The following OR1J1 variants were observed in gnomAD, a reference collection of about 807,000 sequenced individuals.
The protein encoded by OR1J1 is olfactory receptor family 1 subfamily J member 1, also known as olfactory receptor 1J1.
For missense variants in OR1J1, 392 were observed against 393.9 expected, an observed-to-expected ratio of 1.00 and a Z score of 0.04; for synonymous variants, 165 against 157.2, an observed-to-expected ratio of 1.05 and a Z score of -0.37.
chr9:122,477,644 TG>T lies in OR1J1; in HGVS notation c.282del (p.Tyr94Ter), dbSNP rs767520501. ...NMQTQHLAVF[Y>X]KGCISQTYFF... is the part of the protein sequence containing the mutation. ...AAATATGTCTGTGAAATGCATCCCT[TG>T]TAAAAGACGGCTAGGTGCTGAGTCT... On this transcript the variant is annotated frameshift_variant, in exon 1 of 1. Transcript: ENST00000259357. LOFTEE classifies it low-confidence loss of function (END_TRUNC). 45 of 1,614,210 alleles carry T rather than the reference TG, an allele frequency of 2.8e-5. No individual in the cohort carries two copies. The South Asian group carries it at 4.7e-4, about 17-fold the overall frequency.
Position 122,477,443 on chromosome 9 carries a change from G to A in OR1J1, c.484C>T (p.Leu162Phe). 1 of 1,614,100 alleles carries A rather than the reference G, an allele frequency of 6.2e-7. No homozygotes were observed. The highest frequency in any genetic ancestry group is 2.2e-5 in the East Asian group (1 of 44,868). ...ACACALLHTL[L>F]LAQLSFCADH... ...GCACAGAAGGAAAGCTGGGCCAGGA[G>A]GAGGGTATGCAAAAGAGCACACGCA... is the stretch of plus-strand genomic sequence containing the variant. The change falls in exon 1 of 1, where the codon CTC (leucine) becomes TTC (phenylalanine). Residue 162 changes from leucine (L) to phenylalanine (F), a missense_variant. Transcript: ENST00000259357.
In OR1J1 at chr9:122,477,562, C is replaced by T. The variant is rs1839585599; in HGVS notation, c.365G>A (p.Arg122Lys). ...TAGAGGATGACAGATGGCCACATACCTGTCATATGCCATTGAAGTGATAAG... is the reference window on the plus strand; with the variant it reads ...TAGAGGATGACAGATGGCCACATACTTGTCATATGCCATTGAAGTGATAAG... ...SFLITSMAYD[R>K]YVAICHPLHY... Residue 122 changes from arginine to lysine, a missense_variant, in exon 1 of 1, where the codon AGG (arginine) becomes AAG (lysine). Transcript: ENST00000259357. The T allele has an allele frequency of 6.2e-7, 1 of 1,614,122 alleles. No homozygotes were observed. Among genetic ancestry groups the T allele is most frequent in the South Asian group, 1.1e-5 (1 of 91,078 alleles).
rs1385640589 is a variant in OR1J1, at chr9:122,477,799, A to G, written c.128T>C (p.Leu43Pro). 1.2e-6 allele frequency: 2 copies of G among 1,613,994 alleles called. No homozygotes were observed. Among genetic ancestry groups the G allele is most frequent in the Admixed American group, 1.7e-5 (1 of 60,022 alleles). Residue 43 changes from leucine (L) to proline (P), a missense_variant, in exon 1 of 1, where the codon CTG (leucine) becomes CCG (proline). By Grantham distance (98) the Leu-to-Pro change is moderately conservative. Coordinates refer to ENST00000259357, the MANE Select transcript of OR1J1 (RefSeq NM_001004451.1). ...GMYLTTVLGN[L>P]LIMLLIQLDS... ...TAGCTGGATGAGCAGCATGATGAGC[A>G]GGTTCCCCAGCACCGTGGTCAGGTA...
chr9:122,477,629 G>C lies in OR1J1; in HGVS notation c.298C>G (p.Gln100Glu), dbSNP rs776392346. ...GCAAAAAATATGAAAAAATATGTCT[G>C]TGAAATGCATCCCTTGTAAAAGACG... The part of the protein sequence containing the change: ...LAVFYKGCIS[Q>E]TYFFIFFADL... The change falls in exon 1 of 1, where the codon CAG becomes GAG. Residue 100 changes from glutamine (Q) to glutamate (E), a missense_variant. Gln to Glu is a conservative substitution (Grantham distance 29). Coordinates refer to ENST00000259357, the MANE Select transcript of OR1J1 (RefSeq NM_001004451.1). The C allele has an allele frequency of 1.9e-6, 3 of 1,614,228 alleles. No individual in the cohort carries two copies. Among genetic ancestry groups the C allele is most frequent in the Non-Finnish European group, 2.5e-6 (3 of 1,180,032 alleles).
chr9:122,477,356 C>A lies in OR1J1; in HGVS notation c.571G>T (p.Asp191Tyr). ...LGALLKLSCS[D>Y]TSLNQLAIFT... is the part of the protein sequence containing the mutation. ...ATTGCTAACTGATTGAGGGAGGTGT[C>A]TGAGCAGGACAACTTGAGCAGGGCA... Residue 191 changes from aspartate to tyrosine, a missense_variant, in exon 1 of 1, where the codon GAC (aspartate) becomes TAC (tyrosine). Transcript: ENST00000259357. The A allele has an allele frequency of 6.2e-7, 1 of 1,614,092 alleles. No homozygotes were observed.
At position 122,477,522 on chromosome 9, in the gene OR1J1, G is replaced by A; in HGVS notation, c.405C>T (p.Ile135=). ...AICHPLHYAT[I]MTQSQCVMLV... ...GCATGACACACTGGCTCTGAGTCATGATGGTGGCATAATGTAGAGGATGAC... is the reference window on the plus strand; with the variant it reads ...GCATGACACACTGGCTCTGAGTCATAATGGTGGCATAATGTAGAGGATGAC... The change falls in exon 1 of 1, where the codon ATC becomes ATT. Residue 135 remains isoleucine (I), a synonymous_variant. Coordinates refer to ENST00000259357, the MANE Select transcript of OR1J1 (RefSeq NM_001004451.1). 3.1e-6 allele frequency: 5 copies of A among 1,614,194 alleles called. No individual in the cohort carries two copies. Among genetic ancestry groups the A allele is most frequent in the Non-Finnish European group, 4.2e-6 (5 of 1,180,008 alleles).
In OR1J1 at chr9:122,477,862, T is replaced by C; in HGVS notation, c.65A>G (p.Glu22Gly). 1 of 1,613,744 alleles carries C rather than the reference T, an allele frequency of 6.2e-7. No homozygotes were observed. The highest frequency in any genetic ancestry group is 8.5e-7 in the Non-Finnish European group (1 of 1,179,814). The change falls in exon 1 of 1, where the codon GAG (glutamate) becomes GGG (glycine). Residue 22 changes from glutamate to glycine, a missense_variant. By Grantham distance (98) the Glu-to-Gly change is moderately conservative. Transcript: ENST00000259357. Reference protein sequence around the residue: ...FLLLGLPIRPEQQAVFFALFL... With the variant: ...FLLLGLPIRPGQQAVFFALFL... ...CAGGGCGAAGAACACGGCCTGCTGC[T>C]CTGGCCGGATGGGGAGGCCCAGGAG...
rs769438689 is a variant in OR1J1 at position 122,477,224 on chromosome 9, A to C, written c.703T>G (p.Cys235Gly). 6.2e-7 allele frequency: 1 copy of C among 1,614,136 alleles called. No homozygotes were observed. The highest frequency in any genetic ancestry group is 1.7e-5 in the Admixed American group (1 of 60,026). The change falls in exon 1 of 1, where the codon TGC (cysteine) becomes GGC (glycine). Residue 235 changes from cysteine to glycine, a missense_variant. Transcript: ENST00000259357. ...GATCCACAAGTGGACAAGGCTTTGC[A>C]TATGCCCTTGGTAGAGGGAATCTGG... Reference protein sequence around the residue: ...ILQIPSTKGICKALSTCGSHL... With the variant: ...ILQIPSTKGIGKALSTCGSHL...
At position 122,477,472 on chromosome 9, in the gene OR1J1, G is replaced by A. The variant is rs759428635; in HGVS notation, c.455C>T (p.Ala152Val). The A allele has an allele frequency of 1.3e-5, 21 of 1,614,010 alleles. No homozygotes were observed. In the South Asian group the frequency reaches 2.2e-4, roughly 17 times the overall value. ...GGTATGCAAAAGAGCACACGCACAA[G>A]CGATGACCCAGGACCCAGCCACCAG... The part of the protein sequence containing the change: ...VMLVAGSWVI[A>V]CACALLHTLL... Residue 152 changes from alanine to valine, a missense_variant, in exon 1 of 1, where the codon GCT becomes GTT. Transcript: ENST00000259357.
At position 122,477,238 on chromosome 9, in the gene OR1J1, G is replaced by T; in HGVS notation, c.689C>A (p.Ser230Tyr). ...CAAGGCTTTGCATATGCCCTTGGTAGAGGGAATCTGGAGGATGGTGACCCC... is the reference window on the plus strand; with the variant it reads ...CAAGGCTTTGCATATGCCCTTGGTATAGGGAATCTGGAGGATGGTGACCCC... ...HIGVTILQIP[S>Y]TKGICKALST... is the part of the protein sequence containing the mutation. Residue 230 changes from serine to tyrosine, a missense_variant, in exon 1 of 1, where the codon TCT becomes TAT. By Grantham distance (144) the Ser-to-Tyr change is moderately radical. Transcript: ENST00000259357. 6.2e-7 allele frequency: 1 copy of T among 1,614,010 alleles called. No individual in the cohort carries two copies. The highest frequency in any genetic ancestry group is 1.1e-5 in the South Asian group (1 of 91,070).
chr9:122,477,214 A>G lies in OR1J1; in HGVS notation c.713T>C (p.Leu238Ser). 1 of 1,614,192 alleles carries G rather than the reference A, an allele frequency of 6.2e-7. No individual in the cohort carries two copies. The highest frequency in any genetic ancestry group is 8.5e-7 in the Non-Finnish European group (1 of 1,179,998). ...IPSTKGICKA[L>S]STCGSHLSVV... ...TGAGAGGTGGGATCCACAAGTGGAC[A>G]AGGCTTTGCATATGCCCTTGGTAGA... Residue 238 changes from leucine (L) to serine (S), a missense_variant, in exon 1 of 1, where the codon TTG becomes TCG. Leu to Ser is a moderately radical substitution (Grantham distance 145). Coordinates refer to ENST00000259357, the MANE Select transcript of OR1J1 (RefSeq NM_001004451.1).
chr9:122,477,459 AGCACAC>A lies in OR1J1; in HGVS notation c.462_467del (p.Cys155_Ala156del). 1 of 1,614,026 alleles carries A rather than the reference AGCACAC, an allele frequency of 6.2e-7. No homozygotes were observed. The highest frequency in any genetic ancestry group is 8.5e-7 in the Non-Finnish European group (1 of 1,179,936). The stretch of plus-strand genomic sequence containing the variant: ...GGGCCAGGAGGAGGGTATGCAAAAG[AGCACAC>A]GCACAAGCGATGACCCAGGACCCAG... On this transcript the variant is annotated inframe_deletion, in exon 1 of 1. Transcript: ENST00000259357.
chr9:122,477,757 G>A lies in OR1J1; in HGVS notation c.170C>T (p.Thr57Ile), dbSNP rs150792631. 22 of 1,613,980 alleles carry A rather than the reference G, an allele frequency of 1.4e-5. No homozygotes were observed. In the African/African-American group the frequency reaches 2.7e-4, roughly 20 times the overall value. The change falls in exon 1 of 1, where the codon ACC becomes ATC. Residue 57 changes from threonine (T) to isoleucine (I), a missense_variant. Physicochemically the swap from Thr to Ile is moderately conservative, Grantham distance 89 (BLOSUM62 -1). Transcript: ENST00000259357. Reference sequence around the variant, plus strand: ...GTGGCTAAGGAAGAAGTACATGGGGGTGTGAAGGTGAGAGTCTAGCTGGAT... The same window carrying A: ...GTGGCTAAGGAAGAAGTACATGGGGATGTGAAGGTGAGAGTCTAGCTGGAT... Reference protein sequence around the residue: ...LLIQLDSHLHTPMYFFLSHLA... With the variant: ...LLIQLDSHLHIPMYFFLSHLA...
chr9:122,477,487 C>A lies in OR1J1; in HGVS notation c.440G>T (p.Gly147Val). ...TQSQCVMLVAGSWVIACACAL... is the reference protein window; with the variant it reads ...TQSQCVMLVAVSWVIACACAL... ...ACACGCACAAGCGATGACCCAGGAC[C>A]CAGCCACCAGCATGACACACTGGCT... The change falls in exon 1 of 1, where the codon GGG becomes GTG. Residue 147 changes from glycine to valine, a missense_variant. By Grantham distance (109) the Gly-to-Val change is moderately radical (BLOSUM62 -3). Transcript: ENST00000259357. 1 of 1,614,018 alleles carries A rather than the reference C, an allele frequency of 6.2e-7. No individual in the cohort carries two copies. Among genetic ancestry groups the A allele is most frequent in the Non-Finnish European group, 8.5e-7 (1 of 1,179,978 alleles).
Position 122,477,612 on chromosome 9 carries a change from T to C in OR1J1, c.315A>G (p.Ile105Met), listed in dbSNP as rs1443427840. 1 of 1,613,996 alleles carries C rather than the reference T, an allele frequency of 6.2e-7. No individual in the cohort carries two copies. The highest frequency in any genetic ancestry group is 8.5e-7 in the Non-Finnish European group (1 of 1,180,002). Residue 105 changes from isoleucine to methionine, a missense_variant, in exon 1 of 1, where the codon ATA becomes ATG. Coordinates refer to ENST00000259357, the MANE Select transcript of OR1J1 (RefSeq NM_001004451.1). ...KGCISQTYFF[I>M]FFADLDSFLI... ...GGAAACTGTCTAAGTCAGCAAAAAATATGAAAAAATATGTCTGTGAAATGC... is the reference window on the plus strand; with the variant it reads ...GGAAACTGTCTAAGTCAGCAAAAAACATGAAAAAATATGTCTGTGAAATGC...
In OR1J1 at chr9:122,477,887, G is replaced by A. The variant is rs776964350; in HGVS notation, c.40C>T (p.Leu14Phe). 30 of 1,611,082 alleles carry A rather than the reference G, an allele frequency of 1.9e-5. No individual in the cohort carries two copies. The highest frequency in any genetic ancestry group is 5.3e-5 in the African/African-American group (4 of 74,866). Residue 14 changes from leucine to phenylalanine, a missense_variant, in exon 1 of 1, where the codon CTC becomes TTC. Leu to Phe is a conservative substitution (Grantham distance 22). Coordinates refer to ENST00000259357, the MANE Select transcript of OR1J1 (RefSeq NM_001004451.1). ...TCTGGCCGGATGGGGAGGCCCAGGA[G>A]GAGGAACTCGGACACGCTGCTCTGG... Reference protein sequence around the residue: ...ENQSSVSEFLLLGLPIRPEQQ... With the variant: ...ENQSSVSEFLFLGLPIRPEQQ...
Position 122,477,806 on chromosome 9 carries a change from C to G in OR1J1, c.121G>C (p.Gly41Arg). 6.2e-7 allele frequency: 1 copy of G among 1,613,870 alleles called. No homozygotes were observed. Among genetic ancestry groups the G allele is most frequent in the Non-Finnish European group, 8.5e-7 (1 of 1,179,994 alleles). The part of the protein sequence containing the change: ...FLGMYLTTVL[G>R]NLLIMLLIQL... ...ATGAGCAGCATGATGAGCAGGTTCC[C>G]CAGCACCGTGGTCAGGTACATGCCC... Residue 41 changes from glycine (G) to arginine (R), a missense_variant, in exon 1 of 1, where the codon GGG becomes CGG. Physicochemically the swap from Gly to Arg is moderately radical, Grantham distance 125. Coordinates refer to ENST00000259357, the MANE Select transcript of OR1J1 (RefSeq NM_001004451.1).
chr9:122,477,296 A>G lies in OR1J1; in HGVS notation c.631T>C (p.Phe211Leu), dbSNP rs963535154. 3.7e-6 allele frequency: 6 copies of G among 1,614,092 alleles called. No individual in the cohort carries two copies. The African/African-American group carries it at 6.7e-5, about 18-fold the overall frequency. ...CCATAAGAAACCAGGATGCACAGGA[A>G]TGGAAGCATAATGGCTGTCAATGCT... The part of the protein sequence containing the change: ...TAALTAIMLP[F>L]LCILVSYGHI... The change falls in exon 1 of 1, where the codon TTC becomes CTC. Residue 211 changes from phenylalanine (F) to leucine (L), a missense_variant. Coordinates refer to ENST00000259357, the MANE Select transcript of OR1J1 (RefSeq NM_001004451.1).
rs200472024 is a variant in OR1J1, at chr9:122,477,826, A to T, written c.101T>A (p.Met34Lys). Residue 34 changes from methionine (M) to lysine (K), a missense_variant, in exon 1 of 1, where the codon ATG becomes AAG. Transcript: ENST00000259357. ...QAVFFALFLG[M>K]YLTTVLGNLL... ...GTTCCCCAGCACCGTGGTCAGGTAC[A>T]TGCCCAGGAACAGGGCGAAGAACAC... 1 of 1,613,952 alleles carries T rather than the reference A, an allele frequency of 6.2e-7. No individual in the cohort carries two copies. Among genetic ancestry groups the T allele is most frequent in the Non-Finnish European group, 8.5e-7 (1 of 1,180,030 alleles).
Sources: allele counts gnomAD v4.1 joint callset, GRCh38; gene constraint gnomAD v4.1.1; transcripts MANE v1.5; gene names NCBI Gene and HGNC (gene_info 2026-07-23, HGNC 2026-07-21).